GPN2: variants seen among roughly 807,000 people sequenced by gnomAD.
GPN2 encodes ATP-binding domain 1 family member B.
Under a neutral mutation model 30.1 loss-of-function variants are expected in GPN2, and 27 were observed. That is an observed-to-expected ratio of 0.90 (90% CI 0.66 to 1.24). The LOEUF (loss-of-function observed/expected upper bound fraction) is 1.24, where lower values mean the gene tolerates loss of function less well. GPN2 is among the 50% of genes most tolerant of loss of function. The pLI is 0.00. For missense variants in GPN2, 406 were observed against 405.4 expected (o/e 1.00, Z -0.01); for synonymous variants, 212 against 174.4 (o/e 1.22, Z -1.70).
In GPN2 at chr1:26,879,663, G is replaced by A; in HGVS notation, c.*14C>T. On this transcript the variant is annotated 3_prime_UTR_variant, in exon 5 of 5. Transcript: ENST00000374135. Reference sequence around the variant, plus strand: ...CTGGATTATGCATCCTGCTCTCCAGGGTCCACCTTGTTGCTACAGCTGCAT... The same window carrying A: ...CTGGATTATGCATCCTGCTCTCCAGAGTCCACCTTGTTGCTACAGCTGCAT... 1 of 1,601,716 alleles carries A rather than the reference G, an allele frequency of 6.2e-7. No homozygotes were observed. The highest frequency in any genetic ancestry group is 1.1e-5 in the South Asian group (1 of 90,678).
chr1:26,889,682 G>T lies in GPN2; in HGVS notation c.411+4C>A, dbSNP rs765432832. ...AAAATGGGCCTCCCCGCCCTGAGAC[G>T]CACCCTGAGGTCCCACTGCGCCATT... On this transcript the variant is annotated splice_donor_region_variant and intron_variant, in intron 1 of 4. Transcript: ENST00000374135. 3.2e-6 allele frequency: 5 copies of T among 1,564,476 alleles called. No homozygotes were observed. In the African/African-American group the frequency reaches 6.8e-5, roughly 21 times the overall value.
At chr1:26,882,447 C>A (rs2081869272) in intron 4 of GPN2, among the ~76,000 whole-genome samples, 1 of 152,150 alleles carries the variant, frequency 6.6e-6, no homozygotes, top group African/African-American at 2.4e-5. Context: ...AGGTGTGACG[C>A]AGCTCCTTAG....
chr1:26,881,750 T>C (rs1170958674), intron 4 of GPN2, among the ~76,000 whole-genome samples: 1 of 151,306 alleles, frequency 6.6e-6, no homozygotes, highest in African/African-American at 2.4e-5. Context: ...TAAACAAACA[T>C]AAACTGCCCT....
rs778398752 is a variant in GPN2, at chr1:26,886,020, G to C, written c.682C>G (p.Leu228Val). The change falls in exon 3 of 5, where the codon CTC becomes GTC. Residue 228 changes from leucine (L) to valine (V), a missense_variant. By Grantham distance (32) the Leu-to-Val change is conservative. Transcript: ENST00000374135. The part of the protein sequence containing the change: ...YRQLNEKLVQ[L>V]IEDYSLVSFI... ...GAGACAAGGCTATAGTCTTCGATGA[G>C]CTGCACTAGCTTCTCATTGAGCTGG... The C allele has an allele frequency of 6.2e-7, 1 of 1,613,372 alleles. No homozygotes were observed. Among genetic ancestry groups the C allele is most frequent in the Non-Finnish European group, 8.5e-7 (1 of 1,179,354 alleles).
intron 4 of GPN2, among the ~76,000 whole-genome samples, chr1:26,882,081 G>C (rs2081867067): frequency 1.3e-5 from 2 of 152,062 alleles, no homozygotes; most frequent in African/African-American, 4.8e-5. Context: ...GCTGAGCGTG[G>C]TGGCGGGCGC....
chr1:26,889,602 CT>C, intron 1 of GPN2, 83 bp downstream of exon 1: 1 of 1,339,750 alleles, frequency 7.5e-7, no homozygotes, highest in Non-Finnish European at 1.0e-6. Context: ...CCCTACCTCC[CT>C]GTGTGACATG....
chr1:26,889,685 C>T lies in GPN2; in HGVS notation c.411+1G>A. On this transcript the variant is annotated splice_donor_variant, in intron 1 of 4. Coordinates refer to ENST00000374135, the MANE Select transcript of GPN2 (RefSeq NM_018066.4). LOFTEE classifies it high-confidence loss of function. ...ATGGGCCTCCCCGCCCTGAGACGCA[C>T]CCTGAGGTCCCACTGCGCCATTTGG... is the stretch of plus-strand genomic sequence containing the variant. 1.3e-6 allele frequency: 2 copies of T among 1,572,106 alleles called. No individual in the cohort carries two copies. Among genetic ancestry groups the T allele is most frequent in the Non-Finnish European group, 1.7e-6 (2 of 1,155,544 alleles).
At chr1:26,883,659 C>T (rs933325282) in intron 4 of GPN2, among the ~76,000 whole-genome samples, 2 of 151,452 alleles carry the variant, frequency 1.3e-5, no homozygotes, top group Non-Finnish European at 2.9e-5. Flanking sequence ...CAGTGGCGCA[C>T]ACTAATACCA....
intron 4 of GPN2, among the ~76,000 whole-genome samples, chr1:26,881,772 G>A (rs1401294886): frequency 6.6e-6 from 1 of 152,114 alleles, no homozygotes; most frequent in Non-Finnish European, 1.5e-5. Context: ...CCCAGCTGGG[G>A]ACGATGGCTC....
intron 4 of GPN2, among the ~76,000 whole-genome samples, chr1:26,881,822 G>C (rs573558679): frequency 7.2e-4 from 109 of 152,172 alleles, no homozygotes; most frequent in Non-Finnish European, 1.4e-3. Flanking sequence ...TGAGGTGGGA[G>C]GGTAACGAGC....
At chr1:26,889,618 C>A in intron 1 of GPN2, 68 bp downstream of exon 1, 2 of 1,418,358 alleles carry the variant, frequency 1.4e-6, no homozygotes, top group Non-Finnish European at 1.9e-6. Context: ...GACATGGGGG[C>A]GTGGCGTCTG....
At position 26,889,957 on chromosome 1, in the gene GPN2, G is replaced by A. The variant is rs1322946858; in HGVS notation, c.140C>T (p.Pro47Leu). The A allele has an allele frequency of 6.8e-6, 11 of 1,606,362 alleles. No homozygotes were observed. The highest frequency in any genetic ancestry group is 1.7e-5 in the Admixed American group (1 of 59,878). The change falls in exon 1 of 5, where the codon CCG becomes CTG. Residue 47 changes from proline (P) to leucine (L), a missense_variant. Coordinates refer to ENST00000374135, the MANE Select transcript of GPN2 (RefSeq NM_018066.4). ...CTCGTACGGCAGCCCCTCGTTGGCCGGGTCCAGGTTCACCACCGCCACGCG... is the reference window on the plus strand; with the variant it reads ...CTCGTACGGCAGCCCCTCGTTGGCCAGGTCCAGGTTCACCACCGCCACGCG... ...GRRVAVVNLD[P>L]ANEGLPYECA...
intron 4 of GPN2, among the ~76,000 whole-genome samples, chr1:26,880,063 C>G (rs889812441): frequency 1.3e-5 from 2 of 152,124 alleles, no homozygotes; most frequent in African/African-American, 4.8e-5. Flanking sequence ...TGGGGTCTGA[C>G]GAGGACATGG....
intron 1 of GPN2, 139 bp downstream of exon 1, chr1:26,889,547 G>A: frequency 1.3e-6 from 1 of 756,706 alleles, no homozygotes; most frequent in Non-Finnish European, 2.2e-6. Context: ...CAGTAGCAGA[G>A]CCAGATTCTG....
At chr1:26,886,167 G>T in intron 2 of GPN2, 34 bp from the exon 3 acceptor site, 1 of 1,560,312 alleles carries the variant, frequency 6.4e-7, no homozygotes, top group Non-Finnish European at 8.8e-7. Context: ...GGAGCAACCA[G>T]TATCAGGCTA....
intron 4 of GPN2, among the ~76,000 whole-genome samples, chr1:26,883,715 C>T (rs111942834): frequency 3.0e-4 from 46 of 151,204 alleles, no homozygotes; most frequent in African/African-American, 1.1e-3. Flanking sequence ...ATATGGGAGG[C>T]AGAGGTTACA....
chr1:26,889,157 T>C, intron 1 of GPN2, 32 bp from the exon 2 acceptor site: 1 of 1,585,910 alleles, frequency 6.3e-7, no homozygotes, highest in Non-Finnish European at 8.6e-7. Flanking sequence ...GAGAGTGGCC[T>C]GGAGAAACAG....
Position 26,876,132 on chromosome 1 carries a change from T to C in GPN2, c.*3545A>G, listed in dbSNP as rs989021009. The C allele has an allele frequency of 1.3e-5, 2 of 151,726 alleles. No individual in the cohort carries two copies. The highest frequency in any genetic ancestry group is 2.9e-5 in the Non-Finnish European group (2 of 67,964). The allele number at this position is 151,726 out of a possible 1,614,324, so 9.4% of individuals were successfully genotyped here. ...AGAAAAAAAGAGAATACACAAAATA[T>C]ACATTTGAATATAGAATTTATTTTT... is the stretch of plus-strand genomic sequence containing the variant. On this transcript the variant is annotated 3_prime_UTR_variant, in exon 5 of 5. Transcript: ENST00000374135.
intron 2 of GPN2, among the ~76,000 whole-genome samples, chr1:26,888,142 G>A (rs1310862779): frequency 2.0e-5 from 3 of 152,112 alleles, no homozygotes; most frequent in Non-Finnish European, 4.4e-5. Context: ...TTACAGGCGT[G>A]AGCCACCACG....
Sources: allele counts gnomAD v4.1 joint callset (sites outside exome capture counted in the v4.1 genomes callset), GRCh38; gene constraint gnomAD v4.1.1; transcripts MANE v1.5; gene names NCBI Gene and HGNC (gene_info 2026-07-23, HGNC 2026-07-21).